MTRF1: variants seen among roughly 807,000 people sequenced by gnomAD.
MTRF1 encodes mitochondrial translation release factor 1, also known as peptide chain release factor 1, mitochondrial.
MTRF1 carries 51 observed loss-of-function variants against 62.9 expected under a neutral mutation model. That is an observed-to-expected ratio of 0.81 (90% CI 0.65 to 1.02). MTRF1 has a LOEUF of 1.02. Among genes scored for constraint, MTRF1 ranks in the 50% least tolerant of loss-of-function variants. MTRF1 has a pLI of 0.00. For missense variants in MTRF1, 446 were observed against 530.0 expected (o/e 0.84, Z 1.56); for synonymous variants, 158 against 181.9 (o/e 0.87, Z 1.06).
intron 7 of MTRF1, among the ~76,000 whole-genome samples, chr13:41,229,941 A>G (rs2035209905): frequency 6.6e-6 from 1 of 152,048 alleles, no homozygotes; most frequent in South Asian, 2.1e-4. Context: ...TCTCTACTAA[A>G]AATACAAAAA....
the MTRF1 span, among the ~76,000 whole-genome samples, chr13:41,298,585 T>C: frequency 8.5e-5 from 13 of 152,268 alleles, no homozygotes; most frequent in Admixed American, 8.5e-4. Context: ...TTGCCTTTGC[T>C]ATCTAATCTT....
At chr13:41,303,383 G>T in the MTRF1 span, among the ~76,000 whole-genome samples, 2 of 152,182 alleles carry the variant, frequency 1.3e-5, no homozygotes, top group Admixed American at 1.3e-4. Context: ...GGGAGCAAGA[G>T]AATTTATTAA....
At chr13:41,260,307 T>C (rs1052086320) in intron 2 of MTRF1, among the ~76,000 whole-genome samples, 186 bp downstream of exon 2, 1 of 152,088 alleles carries the variant, frequency 6.6e-6, no homozygotes, top group Admixed American at 6.5e-5. Context: ...TGAGCTACGA[T>C]TGAGTCACTG....
chr13:41,272,537 G>C, the MTRF1 span, among the ~76,000 whole-genome samples: 1 of 152,116 alleles, frequency 6.6e-6, no homozygotes. Flanking sequence ...AATCTGATGA[G>C]AGAAAGACTG....
At chr13:41,265,074 T>C (rs1441704857), upstream of MTRF1, among the ~76,000 whole-genome samples, 1 of 152,184 alleles carries the variant, frequency 6.6e-6, no homozygotes, top group Non-Finnish European at 1.5e-5. Flanking sequence ...TTATTCTGAT[T>C]TGTGCTTTCA....
chr13:41,238,305 C>A (rs1196587392), intron 6 of MTRF1, among the ~76,000 whole-genome samples: 1 of 152,052 alleles, frequency 6.6e-6, no homozygotes, highest in African/African-American at 2.4e-5. Context: ...AAAAGAGGTA[C>A]CCTAAAAGGC....
At chr13:41,295,454 A>G in the MTRF1 span, among the ~76,000 whole-genome samples, 7 of 152,204 alleles carry the variant, frequency 4.6e-5, no homozygotes, top group Non-Finnish European at 1.0e-4. Context: ...CTTAAATTCA[A>G]GTACCTTTTT....
chr13:41,284,292 C>T, the MTRF1 span, among the ~76,000 whole-genome samples: 1 of 150,928 alleles, frequency 6.6e-6, no homozygotes, highest in Non-Finnish European at 1.5e-5. Flanking sequence ...TTGAGACCAG[C>T]CTGGCCAACA....
rs1593999773 is a variant in MTRF1, at chr13:41,254,698, T to C, written c.416-78A>G. On this transcript the variant is annotated intron_variant, in intron 2 of 9. Coordinates refer to ENST00000379480, the MANE Select transcript of MTRF1 (RefSeq NM_004294.4). The stretch of plus-strand genomic sequence containing the variant: ...ACTCCTAAGTAGCCATGTTCCTCTT[T>C]GGCTACTAAGTTTTATTTCAGTTGC... 6.6e-6 allele frequency: 7 copies of C among 1,053,150 alleles called. No individual in the cohort carries two copies. The East Asian group carries it at 1.2e-4, about 19-fold the overall frequency. The allele number at this position is 1,053,150 out of a possible 1,614,324, so 65.2% of individuals were successfully genotyped here.
In MTRF1 at chr13:41,217,071, G is replaced by T; in HGVS notation, c.*44C>A. 1 of 1,131,480 alleles carries T rather than the reference G, an allele frequency of 8.8e-7. No individual in the cohort carries two copies. Among genetic ancestry groups the T allele is most frequent in the Non-Finnish European group, 1.3e-6 (1 of 775,258 alleles). The allele number at this position is 1,131,480 out of a possible 1,614,324, so 70.1% of individuals were successfully genotyped here. ...AAGCTTCAGTCTGCCTCTTGATATA[G>T]GTCCATTTCATTTATATAATCATAA... On this transcript the variant is annotated 3_prime_UTR_variant, in exon 10 of 10. Transcript: ENST00000379480.
At chr13:41,256,068 C>G (rs540236889) in intron 2 of MTRF1, among the ~76,000 whole-genome samples, 1 of 152,340 alleles carries the variant, frequency 6.6e-6, no homozygotes, top group African/African-American at 2.4e-5. Flanking sequence ...GTGCCTCATT[C>G]AAGCTTTCAA....
chr13:41,290,417 G>A, the MTRF1 span, among the ~76,000 whole-genome samples: 38 of 144,130 alleles, frequency 2.6e-4, no homozygotes, highest in African/African-American at 8.5e-4. Flanking sequence ...TTTCTGATAC[G>A]GAGTTTTGCT....
intron 7 of MTRF1, among the ~76,000 whole-genome samples, chr13:41,229,021 A>G (rs17532721): frequency 0.051 from 7,762 of 152,322 alleles, 257 homozygotes; most frequent in Non-Finnish European, 0.079. Context: ...TCACTTGGTC[A>G]TAACTGCATG....
chr13:41,224,941 G>A (rs961481789), intron 8 of MTRF1, among the ~76,000 whole-genome samples: 14 of 152,170 alleles, frequency 9.2e-5, no homozygotes, highest in Non-Finnish European at 1.8e-4. Flanking sequence ...GCTGGGTGCA[G>A]TGGCTCACAC....
Position 41,250,528 on chromosome 13 carries a change from T to C in MTRF1, c.697+2117A>G, listed in dbSNP as rs1284841544. 2.0e-5 allele frequency among the ~76,000 whole-genome samples: 3 copies of C among 151,820 alleles called. No homozygotes were observed. The East Asian group carries it at 5.8e-4, about 29-fold the overall frequency. ...TTTTTTTTTTGAGACTGAGTCTTAC[T>C]CTATCGCCCAGGCTGAGTGCAGTGG... On this transcript the variant is annotated intron_variant, in intron 5 of 9. Transcript: ENST00000379480.
Position 41,218,281 on chromosome 13 carries a change from A to ATT in MTRF1, c.1225-1055_1225-1054dup, listed in dbSNP as rs199717534. On this transcript the variant is annotated intron_variant, in intron 9 of 9. Transcript: ENST00000379480. ...CAGGCACATGCTACACACCCAGCTA[A>ATT]TTTTTTTTTTTTTTTTTTTTTTTTT... Among the ~76,000 whole-genome samples, 173 of 117,822 alleles carry ATT rather than the reference A, an allele frequency of 1.5e-3. 1 individual carries two copies. The highest frequency in any genetic ancestry group is 4.4e-3 in the African/African-American group (140 of 31,520). 77.3% of individuals were successfully genotyped at this position (117,822 alleles called of 152,430 possible). A position where few individuals can be genotyped will look rare whatever the true frequency, so the allele number is the denominator to read the frequency against.
At chr13:41,292,665 G>T in the MTRF1 span, among the ~76,000 whole-genome samples, 1 of 151,724 alleles carries the variant, frequency 6.6e-6, no homozygotes, top group Non-Finnish European at 1.5e-5. Flanking sequence ...AAATCAAACT[G>T]CTCTAGCACT....
In MTRF1 at chr13:41,223,238, C is replaced by T; in HGVS notation, c.1224+18G>A. On this transcript the variant is annotated intron_variant, in intron 9 of 9. Transcript: ENST00000379480. ...CTTCTGAAATCAAAGGTAGGCAAAG[C>T]ATACTCAGTAGTATTACCTTAATAT... 6.4e-7 allele frequency: 1 copy of T among 1,554,216 alleles called. No homozygotes were observed. Among genetic ancestry groups the T allele is most frequent in the South Asian group, 1.1e-5 (1 of 87,482 alleles).
intron 8 of MTRF1, among the ~76,000 whole-genome samples, chr13:41,224,914 T>A (rs1436582954): frequency 6.6e-6 from 1 of 152,154 alleles, no homozygotes; most frequent in Non-Finnish European, 1.5e-5. Flanking sequence ...ATACCTATTT[T>A]AAAAATTACT....
Sources: allele counts gnomAD v4.1 joint callset (sites outside exome capture counted in the v4.1 genomes callset), GRCh38; gene constraint gnomAD v4.1.1; transcripts MANE v1.5; gene names NCBI Gene and HGNC (gene_info 2026-07-23, HGNC 2026-07-21).